Variants in FNIP2 observed in about 807,000 individuals in gnomAD.
The protein encoded by FNIP2 is folliculin-interacting protein 2.
In FNIP2, 32 loss-of-function variants were observed where a neutral mutation model predicts 108.7. That is an observed-to-expected ratio of 0.29 (90% CI 0.22 to 0.40). The LOEUF is 0.40. Ranked by LOEUF, FNIP2 falls within the 10% of genes least tolerant of loss-of-function variation. The probability of loss-of-function intolerance (pLI) is 1.00; values close to 1 mark genes in which losing one functional copy is unlikely to be tolerated. For synonymous variants in FNIP2, 480 were observed against 496.7 expected (o/e 0.97, Z 0.45); for missense variants, 1,202 against 1,381.6 (o/e 0.87, Z 2.06).
intron 1 of FNIP2, among the ~76,000 whole-genome samples, chr4:158,809,309 A>T (rs956632387): frequency 2.0e-5 from 3 of 152,146 alleles, no homozygotes; most frequent in African/African-American, 7.2e-5. Context: ...AAATACAAAA[A>T]TTAGCTAGAT....
At chr4:158,769,584 C>T (rs980552568) in intron 1 of FNIP2, among the ~76,000 whole-genome samples, 2 of 152,152 alleles carry the variant, frequency 1.3e-5, no homozygotes, top group African/African-American at 4.8e-5. Flanking sequence ...GGTTCCCGGG[C>T]GTGCGCTGTG....
chr4:158,807,511 T>C (rs1777035609), intron 1 of FNIP2, among the ~76,000 whole-genome samples: 1 of 152,056 alleles, frequency 6.6e-6, no homozygotes, highest in African/African-American at 2.4e-5. Context: ...GCTTTAAAAA[T>C]AATAATAATA....
chr4:158,877,673 T>C (rs1781359143), intron 14 of FNIP2, among the ~76,000 whole-genome samples: 1 of 152,228 alleles, frequency 6.6e-6, no homozygotes, highest in Non-Finnish European at 1.5e-5. Flanking sequence ...GAGATGCTTT[T>C]GGGTTAGAGT....
chr4:158,878,820 A>G (rs1407235177), intron 14 of FNIP2, among the ~76,000 whole-genome samples: 1 of 150,966 alleles, frequency 6.6e-6, no homozygotes, highest in Non-Finnish European at 1.5e-5. Flanking sequence ...TGGAACCTTA[A>G]AAAAAAGAGA....
chr4:158,885,536 A>G (rs1781981602), intron 14 of FNIP2, among the ~76,000 whole-genome samples: 1 of 152,208 alleles, frequency 6.6e-6, no homozygotes, highest in African/African-American at 2.4e-5. Context: ...CAGTTGCACT[A>G]TTTGTGAGCT....
intron 14 of FNIP2, among the ~76,000 whole-genome samples, chr4:158,874,854 T>C (rs1438668092): frequency 6.6e-6 from 1 of 151,240 alleles, no homozygotes; most frequent in African/African-American, 2.4e-5. Context: ...CGAGGTGGGC[T>C]GATTGCCTGA....
rs1054017969 is a variant in FNIP2, at chr4:158,905,122, T to C, written c.*578T>C. 3.3e-5 allele frequency: 5 copies of C among 152,466 alleles called. No homozygotes were observed. The highest frequency in any genetic ancestry group is 1.2e-4 in the African/African-American group (5 of 41,446). 9.4% of individuals were successfully genotyped at this position (152,466 alleles called of 1,614,324 possible). A position where few individuals can be genotyped will look rare whatever the true frequency, so the allele number is the denominator to read the frequency against. ...AGCAGTGACTGTTTGACATAAAACA[T>C]GTAAGAATTGCTTGTTGGGAAGAGT... On this transcript the variant is annotated 3_prime_UTR_variant, in exon 17 of 17. Coordinates refer to ENST00000264433, the MANE Select transcript of FNIP2 (RefSeq NM_020840.3).
At chr4:158,899,275 T>C (rs986860720) in intron 16 of FNIP2, among the ~76,000 whole-genome samples, 21 of 152,242 alleles carry the variant, frequency 1.4e-4, no homozygotes, top group Middle Eastern at 6.3e-3. Context: ...GATTTTTGCA[T>C]TGATGTTCAT....
chr4:158,793,812 T>C (rs1776497341), intron 1 of FNIP2, among the ~76,000 whole-genome samples: 2 of 152,298 alleles, frequency 1.3e-5, no homozygotes, highest in South Asian at 2.1e-4. Context: ...TATTGGCCAC[T>C]GGGTTAGGTT....
At position 158,869,007 on chromosome 4, in the gene FNIP2, T is replaced by A. The variant is rs201629749; in HGVS notation, c.2371T>A (p.Ser791Thr). ...NRLSEGDEGE[S>T]DKGFAEDRGS... is the part of the protein sequence containing the mutation. ...GCTTTCAGAGGGGGATGAAGGCGAG[T>A]CTGACAAGGGTTTTGCAGAGGACAG... is the stretch of plus-strand genomic sequence containing the variant. The change falls in exon 13 of 17, where the codon TCT becomes ACT. Residue 791 changes from serine to threonine, a missense_variant. Around this residue, in one of 5 missense-constraint regions of FNIP2, gnomAD observed 878 missense variants for 990.3 expected, o/e 0.89. Coordinates refer to ENST00000264433, the MANE Select transcript of FNIP2 (RefSeq NM_020840.3). 188 of 1,613,402 alleles carry A rather than the reference T, an allele frequency of 1.2e-4. No individual in the cohort carries two copies. The highest frequency in any genetic ancestry group is 9.9e-4 in the Middle Eastern group (6 of 6,084).
chr4:158,891,111 A>G (rs1280254679), intron 14 of FNIP2, among the ~76,000 whole-genome samples: 1 of 152,142 alleles, frequency 6.6e-6, no homozygotes, highest in Non-Finnish European at 1.5e-5. Context: ...TTCCTTGGTA[A>G]ATGAGGGTTA....
intron 7 of FNIP2, among the ~76,000 whole-genome samples, chr4:158,839,006 G>A (rs765701829): frequency 1.3e-5 from 2 of 152,134 alleles, no homozygotes; most frequent in Non-Finnish European, 1.5e-5. Flanking sequence ...TGCCATTTTC[G>A]TCACATCCTA....
At chr4:158,863,843 A>C (rs1323065557) in intron 12 of FNIP2, among the ~76,000 whole-genome samples, 1 of 152,314 alleles carries the variant, frequency 6.6e-6, no homozygotes, top group Admixed American at 6.5e-5. Context: ...TAATGATCTT[A>C]AGGGTTTGTA....
intron 8 of FNIP2, among the ~76,000 whole-genome samples, chr4:158,853,927 A>G (rs1045045108): frequency 6.6e-6 from 1 of 152,228 alleles, no homozygotes; most frequent in African/African-American, 2.4e-5. Flanking sequence ...CTGTTTATGC[A>G]TTCTATCACT....
rs76618936 is a variant in FNIP2 at position 158,795,349 on chromosome 4, G to A, written c.107+26030G>A. Among the ~76,000 whole-genome samples, 901 of 152,318 alleles carry A rather than the reference G, an allele frequency of 5.9e-3. 6 individuals are homozygous for A. Among genetic ancestry groups the A allele is most frequent in the African/African-American group, 0.02 (831 of 41,570 alleles). ...TTACTAACTGCCTGCTCTCTGCTCA[G>A]TGTTAGTATTAACTGCACAAGCAAA... On this transcript the variant is annotated intron_variant, in intron 1 of 16. Coordinates refer to ENST00000264433, the MANE Select transcript of FNIP2 (RefSeq NM_020840.3).
At chr4:158,780,821 T>C (rs540034284) in intron 1 of FNIP2, among the ~76,000 whole-genome samples, 31 of 151,816 alleles carry the variant, frequency 2.0e-4, no homozygotes, top group Admixed American at 7.9e-4. Flanking sequence ...TCATTTGAGG[T>C]CAGGAGTTCA....
At chr4:158,886,078 G>A (rs1253040789) in intron 14 of FNIP2, among the ~76,000 whole-genome samples, 3 of 152,138 alleles carry the variant, frequency 2.0e-5, no homozygotes, top group Non-Finnish European at 4.4e-5. Context: ...AAATTAACCA[G>A]GCTGATCCTG....
intron 2 of FNIP2, among the ~76,000 whole-genome samples, chr4:158,828,523 G>C (rs1778281408): frequency 6.6e-6 from 1 of 152,158 alleles, no homozygotes; most frequent in South Asian, 2.1e-4. Context: ...GGCTGAGACA[G>C]GAGAATTGCT....
intron 14 of FNIP2, among the ~76,000 whole-genome samples, chr4:158,880,757 C>T (rs1781545467): frequency 1.3e-5 from 2 of 152,106 alleles, no homozygotes; most frequent in South Asian, 4.2e-4. Context: ...CCTCTGCAGT[C>T]CTTTTAGTGG....
Sources: gnomAD v4.1 joint callset for allele counts (sites outside exome capture counted in the v4.1 genomes callset) on GRCh38, gnomAD v4.1.1 for gene constraint, gnomAD v4.1.1 regional missense constraint, MANE v1.5 for transcripts, NCBI Gene and HGNC (gene_info 2026-07-23, HGNC 2026-07-21) for gene names.